Variants in NKIRAS1 observed in about 807,000 individuals in gnomAD.
NKIRAS1 encodes the protein NF-kappa-B inhibitor-interacting Ras-like protein 1.
NKIRAS1 carries 16 observed loss-of-function variants against 19.8 expected under a neutral mutation model. That is an observed-to-expected ratio of 0.81 (90% CI 0.55 to 1.23). The LOEUF (loss-of-function observed/expected upper bound fraction) is 1.23, where lower values mean the gene tolerates loss of function less well. Ranked by LOEUF, NKIRAS1 falls within the 50% of genes most tolerant of loss-of-function variation. The probability of loss-of-function intolerance (pLI) is 0.00; values close to 1 mark genes in which losing one functional copy is unlikely to be tolerated. For synonymous variants in NKIRAS1, 88 were observed against 79.0 expected (o/e 1.11, Z -0.61); for missense variants, 184 against 220.0 (o/e 0.84, Z 1.04).
At chr3:23,928,975 C>T (rs537807281) in intron 1 of NKIRAS1, among the ~76,000 whole-genome samples, 33 of 146,662 alleles carry the variant, frequency 2.3e-4, no homozygotes, top group East Asian at 7.9e-4. Context: ...CCAGCCTGGG[C>T]GACAGAGCGA....
At chr3:23,901,153 C>A in intron 3 of NKIRAS1, 104 bp from the exon 4 acceptor site, 40 of 1,080,748 alleles carry the variant, frequency 3.7e-5, no homozygotes, top group Non-Finnish European at 5.2e-5. Flanking sequence ...TTATTTACCA[C>A]ATATAATAAT....
rs563539739 is a variant in NKIRAS1, at chr3:23,898,240, A to G, written c.336+2568T>C. On this transcript the variant is annotated intron_variant, in intron 4 of 4. Coordinates refer to ENST00000425478, the MANE Select transcript of NKIRAS1 (RefSeq NM_020345.4). The stretch of plus-strand genomic sequence containing the variant: ...CTTGTGAATATGTTATCTATTCATA[A>G]AGTAAATTAGTATTCTAAATAAAAT... Among the ~76,000 whole-genome samples the G allele has an allele frequency of 3.3e-5, 5 of 152,296 alleles. No individual in the cohort carries two copies. The East Asian group carries it at 9.6e-4, about 29-fold the overall frequency.
chr3:23,920,939 A>G (rs1705045882), upstream of NKIRAS1: 1 of 176,384 alleles, frequency 5.7e-6, no homozygotes, highest in African/African-American at 2.4e-5. Context: ...TCAAAATGTG[A>G]TTATAGAAAT....
At chr3:23,905,788 T>A (rs1702972091) in intron 3 of NKIRAS1, among the ~76,000 whole-genome samples, 1 of 125,380 alleles carries the variant, frequency 8.0e-6, no homozygotes, top group Non-Finnish European at 1.7e-5. Flanking sequence ...TACTGGAAAA[T>A]GTGCTCCAAA....
At chr3:23,899,527 G>A (rs776364409) in intron 4 of NKIRAS1, among the ~76,000 whole-genome samples, 17 of 152,028 alleles carry the variant, frequency 1.1e-4, no homozygotes, top group Non-Finnish European at 1.9e-4. Context: ...TGGTTTCCTA[G>A]ACAATGAAGA....
intron 1 of NKIRAS1, among the ~76,000 whole-genome samples, chr3:23,941,797 C>T (rs1705502441): frequency 6.6e-6 from 1 of 152,152 alleles, no homozygotes; most frequent in Non-Finnish European, 1.5e-5. Context: ...AGGAAGAAGG[C>T]AGCCTCTAAA....
chr3:23,895,251 A>G (rs925943931), intron 4 of NKIRAS1, among the ~76,000 whole-genome samples: 3 of 151,634 alleles, frequency 2.0e-5, no homozygotes, highest in Admixed American at 6.6e-5. Flanking sequence ...GCTTCAAGCA[A>G]TCCTCCTGCC....
chr3:23,916,552 G>C (rs1474079388), intron 1 of NKIRAS1: 3 of 152,280 alleles, frequency 2.0e-5, no homozygotes, highest in African/African-American at 7.2e-5. Flanking sequence ...TGCTGGAGGA[G>C]CTTCACGCAG....
chr3:23,933,926 A>C (rs1464095750), intron 1 of NKIRAS1, among the ~76,000 whole-genome samples: 2 of 152,208 alleles, frequency 1.3e-5, no homozygotes, highest in Non-Finnish European at 2.9e-5. Flanking sequence ...GCAGAAGAGC[A>C]AAAAGGGCCA....
chr3:23,945,861 T>G (rs1485548249), intron 1 of NKIRAS1, among the ~76,000 whole-genome samples: 1 of 150,502 alleles, frequency 6.6e-6, no homozygotes, highest in Non-Finnish European at 1.5e-5. Flanking sequence ...GCGAGCCACG[T>G]GCGCGCTGTG....
intron 3 of NKIRAS1, among the ~76,000 whole-genome samples, chr3:23,908,871 T>C (rs538814150): frequency 2.6e-5 from 4 of 151,390 alleles, no homozygotes; most frequent in Non-Finnish European, 5.9e-5. Flanking sequence ...CTTTTTTTCA[T>C]TTTGTTTTGT....
At chr3:23,928,129 TACAC>T (rs1287657348) in intron 1 of NKIRAS1, among the ~76,000 whole-genome samples, 1 of 104,970 alleles carries the variant, frequency 9.5e-6, no homozygotes, top group Non-Finnish European at 1.9e-5. Context: ...CACACACACA[TACAC>T]ACACACACAG....
chr3:23,937,829 T>C (rs1253828248), intron 1 of NKIRAS1, among the ~76,000 whole-genome samples: 1 of 152,210 alleles, frequency 6.6e-6, no homozygotes, highest in African/African-American at 2.4e-5. Flanking sequence ...AGATGGTTTC[T>C]GTTGTTGATT....
intron 1 of NKIRAS1, among the ~76,000 whole-genome samples, chr3:23,940,798 T>C (rs1705480625): frequency 6.6e-6 from 1 of 152,160 alleles, no homozygotes; most frequent in African/African-American, 2.4e-5. Context: ...GCTAATACCA[T>C]GAATGGAACG....
At chr3:23,945,708 G>A in intron 1 of NKIRAS1, 1 of 638,804 alleles carries the variant, frequency 1.6e-6, no homozygotes, top group Non-Finnish European at 2.1e-6. Context: ...GGCGGGGTGG[G>A]CTGCTGCGCG....
At position 23,938,487 on chromosome 3, in the gene NKIRAS1, C is replaced by T. The variant is rs531203940; in HGVS notation, c.-140+7836G>A. Among the ~76,000 whole-genome samples the T allele has an allele frequency of 6.8e-4, 103 of 152,272 alleles. 1 individual carries two copies. Among genetic ancestry groups the T allele is most frequent in the Middle Eastern group, 3.4e-3 (1 of 294 alleles). ...TCAGACTCCCAGAGTGTTATGATTA[C>T]AGGTGTGAGCCACCATGCCCAGCCA... On this transcript the variant is annotated intron_variant, in intron 1 of 4. Transcript: ENST00000421515.
At chr3:23,938,219 T>C (rs1291271686) in intron 1 of NKIRAS1, among the ~76,000 whole-genome samples, 3 of 151,338 alleles carry the variant, frequency 2.0e-5, no homozygotes, top group African/African-American at 7.3e-5. Flanking sequence ...CTTTTTTTTT[T>C]TTTTTCTTGA....
chr3:23,941,345 T>G (rs1489298510), intron 1 of NKIRAS1, among the ~76,000 whole-genome samples: 5 of 152,358 alleles, frequency 3.3e-5, no homozygotes, highest in African/African-American at 9.6e-5. Context: ...TTTCCTTTAT[T>G]CATATCTAGA....
upstream of NKIRAS1, chr3:23,918,829 G>A: frequency 1.9e-6 from 1 of 536,828 alleles, no homozygotes; most frequent in Non-Finnish European, 3.2e-6. Flanking sequence ...GACCAAATGT[G>A]GCCTGCACAG....
Sources: allele counts gnomAD v4.1 joint callset (sites outside exome capture counted in the v4.1 genomes callset), GRCh38; gene constraint gnomAD v4.1.1; transcripts MANE v1.5; gene names NCBI Gene and HGNC (gene_info 2026-07-23, HGNC 2026-07-21).